PMS1: variants seen among roughly 807,000 people sequenced by gnomAD.
PMS1 encodes PMS1 homolog 1, mismatch repair system component.
In PMS1, 79 loss-of-function variants were observed where a neutral mutation model predicts 93.1. That is an observed-to-expected ratio of 0.85 (90% confidence interval 0.71 to 1.02). The LOEUF is 1.02. Ranked by LOEUF, PMS1 falls within the 50% of genes least tolerant of loss-of-function variation. The pLI, the probability that PMS1 is intolerant of heterozygous loss-of-function variation, is 0.00. For missense variants in PMS1, 1,064 were observed against 1,085.3 expected (o/e 0.98, Z 0.28); for synonymous variants, 335 against 363.4 (o/e 0.92, Z 0.89).
At chr2:189,816,983 G>C (rs2051361865) in intron 4 of PMS1, among the ~76,000 whole-genome samples, 1 of 151,990 alleles carries the variant, frequency 6.6e-6, no homozygotes, top group African/African-American at 2.4e-5. Flanking sequence ...TAAAAAAAAA[G>C]ATGGTAGTTT....
In PMS1 at chr2:189,798,912, T is replaced by G. The variant is rs1487720868; in HGVS notation, c.315+2961T>G. On this transcript the variant is annotated intron_variant, in intron 3 of 12. Transcript: ENST00000441310. ...GAGCTGAAATTAGTCATAATTAGCT[T>G]TGCCTACTAGGTGGCAGCACTATAC... is the stretch of plus-strand genomic sequence containing the variant. Among the ~76,000 whole-genome samples, 5 of 152,330 alleles carry G rather than the reference T, an allele frequency of 3.3e-5. No individual in the cohort carries two copies. In the East Asian group the frequency reaches 9.6e-4, roughly 29 times the overall value.
intron 4 of PMS1, among the ~76,000 whole-genome samples, chr2:189,810,807 A>T (rs1347770853): frequency 3.3e-5 from 5 of 152,176 alleles, no homozygotes; most frequent in Admixed American, 3.3e-4. Flanking sequence ...TTGGCAGGAA[A>T]CAAAGCACTT....
chr2:189,867,836 A>G lies in PMS1; in HGVS notation c.2380A>G (p.Lys794Glu). 6.3e-7 allele frequency: 1 copy of G among 1,580,634 alleles called. No homozygotes were observed. The highest frequency in any genetic ancestry group is 8.7e-7 in the Non-Finnish European group (1 of 1,149,632). Reference protein sequence around the residue: ...NGSHYLDVLYKMTADDQRYSG... With the variant: ...NGSHYLDVLYEMTADDQRYSG... The stretch of plus-strand genomic sequence containing the variant: ...ATCTCATTATTTAGACGTTTTATAT[A>G]AAATGACAGCAGATGACCAAAGATA... The change falls in exon 11 of 13, where the codon AAA becomes GAA. Residue 794 changes from lysine to glutamate, a missense_variant. By Grantham distance (56) the Lys-to-Glu change is moderately conservative. Coordinates refer to ENST00000441310, the MANE Select transcript of PMS1 (RefSeq NM_000534.5).
Position 189,877,624 on chromosome 2 carries a change from T to C in PMS1, c.*188T>C. 1.8e-6 allele frequency: 1 copy of C among 548,720 alleles called. No individual in the cohort carries two copies. Among genetic ancestry groups the C allele is most frequent in the Non-Finnish European group, 3.3e-6 (1 of 307,320 alleles). The allele number at this position is 548,720 out of a possible 1,614,324, so 34.0% of individuals were successfully genotyped here. Reference sequence around the variant, plus strand: ...AAAACGTAAATAAACTAATATAGACTATTCATTTGATTCTCAAGAACCAAC... The same window carrying C: ...AAAACGTAAATAAACTAATATAGACCATTCATTTGATTCTCAAGAACCAAC... On this transcript the variant is annotated 3_prime_UTR_variant, in exon 13 of 13. Coordinates refer to ENST00000441310, the MANE Select transcript of PMS1 (RefSeq NM_000534.5).
intron 4 of PMS1, 124 bp from the exon 5 acceptor site, chr2:189,817,893 G>T (rs1446146228): frequency 1.3e-6 from 1 of 741,736 alleles, no homozygotes; most frequent in Non-Finnish European, 2.4e-6. Flanking sequence ...GAGCCTTTGG[G>T]TTTCTAGAAT....
chr2:189,785,094 T>C (rs1280939896), intron 1 of PMS1, among the ~76,000 whole-genome samples: 1 of 152,244 alleles, frequency 6.6e-6, no homozygotes, highest in Non-Finnish European at 1.5e-5. Context: ...TAGGTTTTTT[T>C]GGAATCGCCT....
At position 189,818,116 on chromosome 2, in the gene PMS1, A is replaced by G; in HGVS notation, c.518A>G (p.Gln173Arg). ...KKCKDEIKKI[Q>R]DLLMSFGILK... ...TGTAAAGATGAAATAAAAAAGATCCAAGATCTCCTCATGAGCTTTGGTATC... is the reference window on the plus strand; with the variant it reads ...TGTAAAGATGAAATAAAAAAGATCCGAGATCTCCTCATGAGCTTTGGTATC... Residue 173 changes from glutamine to arginine, a missense_variant, in exon 5 of 13, where the codon CAA (glutamine) becomes CGA (arginine). Transcript: ENST00000441310. 1 of 1,609,120 alleles carries G rather than the reference A, an allele frequency of 6.2e-7. No individual in the cohort carries two copies. Among genetic ancestry groups the G allele is most frequent in the South Asian group, 1.1e-5 (1 of 90,904 alleles).
At chr2:189,876,726 G>T (rs905578775) in intron 12 of PMS1, among the ~76,000 whole-genome samples, 1 of 151,320 alleles carries the variant, frequency 6.6e-6, no homozygotes, top group African/African-American at 2.4e-5. Context: ...TCCTGCCTCG[G>T]CCTCCCATGT....
chr2:189,852,045 AAGAT>A (rs2054792289), intron 6 of PMS1, among the ~76,000 whole-genome samples: 1 of 152,212 alleles, frequency 6.6e-6, no homozygotes, highest in African/African-American at 2.4e-5. Context: ...AAAGTAGAGA[AAGAT>A]AGCATATAAA....
At chr2:189,849,777 G>C (rs1240232020) in intron 6 of PMS1, among the ~76,000 whole-genome samples, 1 of 151,752 alleles carries the variant, frequency 6.6e-6, no homozygotes, top group African/African-American at 2.4e-5. Flanking sequence ...TAGCCAGTTT[G>C]GCTCAGCCTT....
At chr2:189,798,088 T>C (rs1172463890) in intron 3 of PMS1, among the ~76,000 whole-genome samples, 1 of 152,228 alleles carries the variant, frequency 6.6e-6, no homozygotes, top group Non-Finnish European at 1.5e-5. Context: ...CATAGTACAC[T>C]GGAGAGGATC....
Position 189,852,767 on chromosome 2 carries a change from A to G in PMS1, c.812A>G (p.Asp271Gly). The G allele has an allele frequency of 6.3e-7, 1 of 1,586,694 alleles. No individual in the cohort carries two copies. Among genetic ancestry groups the G allele is most frequent in the Non-Finnish European group, 8.7e-7 (1 of 1,155,336 alleles). ...FINSRPVHQKDILKLIRHHYN... is the reference protein window; with the variant it reads ...FINSRPVHQKGILKLIRHHYN... Reference sequence around the variant, plus strand: ...AACAGTCGACCAGTACATCAAAAAGATATCTTAAAGGTAGTATGCTTTAGA... The same window carrying G: ...AACAGTCGACCAGTACATCAAAAAGGTATCTTAAAGGTAGTATGCTTTAGA... The change falls in exon 7 of 13, where the codon GAT becomes GGT. Residue 271 changes from aspartate to glycine, a missense_variant. By Grantham distance (94) the Asp-to-Gly change is moderately conservative. Transcript: ENST00000441310.
chr2:189,842,161 G>A (rs951552308), intron 5 of PMS1, among the ~76,000 whole-genome samples: 2 of 151,740 alleles, frequency 1.3e-5, no homozygotes, highest in African/African-American at 4.8e-5. Flanking sequence ...ACTCTTGATT[G>A]CCGTTTAGCC....
At chr2:189,844,699 C>G (rs2054108847) in intron 6 of PMS1, among the ~76,000 whole-genome samples, 1 of 148,740 alleles carries the variant, frequency 6.7e-6, no homozygotes, top group Non-Finnish European at 1.5e-5. Flanking sequence ...CAAATATGTA[C>G]TTAAAACTTT....
intron 6 of PMS1, among the ~76,000 whole-genome samples, chr2:189,845,697 C>T (rs2054196119): frequency 6.6e-6 from 1 of 152,026 alleles, no homozygotes; most frequent in South Asian, 2.1e-4. Context: ...ACTGGTATGT[C>T]ATGCCTTCCT....
chr2:189,848,401 C>G (rs1295014394), intron 6 of PMS1, among the ~76,000 whole-genome samples: 1 of 152,186 alleles, frequency 6.6e-6, no homozygotes, highest in Non-Finnish European at 1.5e-5. Context: ...GTGTGAAAAG[C>G]ACTGATCTAG....
intron 2 of PMS1, among the ~76,000 whole-genome samples, chr2:189,795,452 A>G (rs1262607145): frequency 6.6e-6 from 1 of 152,124 alleles, no homozygotes; most frequent in African/African-American, 2.4e-5. Context: ...ATTCAGAAGA[A>G]TTTTTTTAGT....
At chr2:189,814,302 GGAAGACCCCCCCCCAAAAAAAAAT>G (rs1259669001) in intron 4 of PMS1, among the ~76,000 whole-genome samples, 1 of 151,542 alleles carries the variant, frequency 6.6e-6, no homozygotes, top group Non-Finnish European at 1.5e-5. Flanking sequence ...TAAAAATAGA[GGAAGACCCCCCCCCAAAAAAAAAT>G]CATTAGTAAT....
chr2:189,836,612 T>C (rs1460745134), intron 5 of PMS1, among the ~76,000 whole-genome samples: 1 of 152,246 alleles, frequency 6.6e-6, no homozygotes, highest in Non-Finnish European at 1.5e-5. Flanking sequence ...AGTTTTTTAG[T>C]GATGGGTCCT....
Sources: allele counts gnomAD v4.1 joint callset (sites outside exome capture counted in the v4.1 genomes callset), GRCh38; gene constraint gnomAD v4.1.1; transcripts MANE v1.5; gene names NCBI Gene and HGNC (gene_info 2026-07-23, HGNC 2026-07-21).